Variants in PCDHA4 observed in about 807,000 individuals in gnomAD.
The protein encoded by PCDHA4 is protocadherin alpha 4.
Under a neutral mutation model 61.4 loss-of-function variants are expected in PCDHA4, and 49 were observed. The observed-to-expected ratio is 0.80, with a 90% confidence interval of 0.63 to 1.01. PCDHA4 has a LOEUF of 1.01. Ranked by LOEUF, PCDHA4 falls within the 50% of genes least tolerant of loss-of-function variation. The probability of loss-of-function intolerance (pLI) is 0.00; values close to 1 mark genes in which losing one functional copy is unlikely to be tolerated. For missense variants in PCDHA4, 1,254 were observed against 1,235.8 expected, an observed-to-expected ratio of 1.01 and a Z score of -0.22; for synonymous variants, 590 against 550.3, an observed-to-expected ratio of 1.07 and a Z score of -1.01.
intron 1 of PCDHA4, chr5:140,848,930 C>G: frequency 1.2e-6 from 2 of 1,607,642 alleles, no homozygotes; most frequent in Non-Finnish European, 1.7e-6. Flanking sequence ...TCGCGGAATC[C>G]AGGCCGCTTG....
rs2150361317 is a variant in PCDHA4, at chr5:140,843,502, C to A, written c.2385+33930C>A. The A allele has an allele frequency of 3.1e-6, 5 of 1,595,926 alleles. 1 individual carries two copies. The highest frequency in any genetic ancestry group is 4.3e-6 in the Non-Finnish European group (5 of 1,165,570). On this transcript the variant is annotated intron_variant, in intron 1 of 3. Transcript: ENST00000530339. ...CTGCGCTGCGGTGCTCAGCACTGCC[C>A]ACTGAGGGCGGGTGCCGGGCGGGCA...
intron 1 of PCDHA4, among the ~76,000 whole-genome samples, chr5:140,826,211 A>C (rs1554130497): frequency 2.0e-5 from 3 of 152,244 alleles, no homozygotes; most frequent in Non-Finnish European, 4.4e-5. Context: ...CATTTTAAAA[A>C]ATCAAGTTTT....
intron 1 of PCDHA4, chr5:140,866,782 C>A (rs1318646938): frequency 1.3e-5 from 2 of 152,160 alleles, no homozygotes; most frequent in Admixed American, 6.5e-5. Context: ...TATGTCCTGA[C>A]TGATATAGTA....
At chr5:140,920,859 C>T in intron 1 of PCDHA4, among the ~76,000 whole-genome samples, 1 of 142,452 alleles carries the variant, frequency 7.0e-6, no homozygotes, top group African/African-American at 2.6e-5. Flanking sequence ...AAAAAAAAAA[C>T]AAACAAACTG....
chr5:140,920,485 A>G (rs1366888817), intron 1 of PCDHA4, among the ~76,000 whole-genome samples: 3 of 152,164 alleles, frequency 2.0e-5, no homozygotes, highest in Admixed American at 6.5e-5. Context: ...TTTTTGGTCC[A>G]ACAATAGAGT....
chr5:140,933,159 A>G (rs565076666), intron 1 of PCDHA4, among the ~76,000 whole-genome samples: 67 of 152,098 alleles, frequency 4.4e-4, no homozygotes, highest in African/African-American at 1.3e-3. Flanking sequence ...TTTGTTCCCA[A>G]TTTTAATTGA....
chr5:140,951,520 A>G (rs904780831), intron 1 of PCDHA4, among the ~76,000 whole-genome samples: 6 of 151,972 alleles, frequency 3.9e-5, no homozygotes, highest in Admixed American at 2.0e-4. Context: ...CTCATCTTAC[A>G]TGGCCGGTGC....
At chr5:140,867,151 A>G (rs1437256888) in intron 1 of PCDHA4, 1 of 152,150 alleles carries the variant, frequency 6.6e-6, no homozygotes, top group Non-Finnish European at 1.5e-5. Context: ...ATTTTTCCAG[A>G]GTAAACCTTC....
At chr5:140,835,577 G>T (rs1554135077) in intron 1 of PCDHA4, 1 of 1,613,890 alleles carries the variant, frequency 6.2e-7, no homozygotes, top group Non-Finnish European at 8.5e-7. Context: ...TCAAGTTGGT[G>T]TCCACCTTCA....
intron 3 of PCDHA4, among the ~76,000 whole-genome samples, chr5:140,994,308 C>T (rs1402344988): frequency 6.6e-6 from 1 of 152,086 alleles, no homozygotes; most frequent in African/African-American, 2.4e-5. Flanking sequence ...TTTCACAGGG[C>T]CCAAACACTC....
Position 140,824,018 on chromosome 5 carries a change from C to G in PCDHA4, c.2385+14446C>G, listed in dbSNP as rs2150131575. ...TGCTCCAGCGCGGTGGGGAGCTGGT[C>G]GTACTCGCAGCAGAGGAGACAGAGG... On this transcript the variant is annotated intron_variant, in intron 1 of 3. Transcript: ENST00000530339. The G allele has an allele frequency of 2.5e-6, 4 of 1,614,112 alleles. No homozygotes were observed. In the South Asian group the frequency reaches 3.3e-5, roughly 13 times the overall value.
intron 1 of PCDHA4, chr5:140,927,071 GCCA>G (rs2083808355): frequency 4.3e-6 from 7 of 1,610,970 alleles, no homozygotes; most frequent in Non-Finnish European, 5.9e-6. Flanking sequence ...TTCCTTTCCA[GCCA>G]CCGCGAGCTC....
intron 1 of PCDHA4, chr5:140,835,866 G>A (rs2150246890): frequency 6.2e-7 from 1 of 1,612,132 alleles, no homozygotes. Context: ...CTACTCGCTG[G>A]TGGAGCTGCG....
chr5:140,861,578 C>A (rs1425852721), intron 1 of PCDHA4: 2 of 361,296 alleles, frequency 5.5e-6, no homozygotes, highest in Non-Finnish European at 1.1e-5. Flanking sequence ...TACAGGTTTT[C>A]CATGTGGAGG....
chr5:140,824,248 A>G (rs2150133568), intron 1 of PCDHA4: 39 of 1,434,746 alleles, frequency 2.7e-5, no homozygotes, highest in Non-Finnish European at 3.8e-5. Flanking sequence ...TGTGGTACAC[A>G]ATTATTGCAC....
chr5:140,821,857 G>A, intron 1 of PCDHA4: 1 of 1,614,186 alleles, frequency 6.2e-7, no homozygotes, highest in South Asian at 1.1e-5. Context: ...GGCAGGGAGC[G>A]GCCAGCTCCA....
rs202125503 is a variant in PCDHA4 at position 140,834,460 on chromosome 5, C to A, written c.2385+24888C>A. 5.3e-5 allele frequency: 84 copies of A among 1,589,840 alleles called. No homozygotes were observed. Among genetic ancestry groups the A allele is most frequent in the Middle Eastern group, 1.7e-4 (1 of 5,902 alleles). On this transcript the variant is annotated intron_variant, in intron 1 of 3. Transcript: ENST00000530339. ...ATTATAATTCTAGCAGCTTGGGAGG[C>A]AGGGAGAGGCCAGCTCCACTACTCG... is the stretch of plus-strand genomic sequence containing the variant.
intron 1 of PCDHA4, chr5:140,857,490 C>T (rs1554150112): frequency 1.3e-6 from 2 of 1,598,382 alleles, no homozygotes; most frequent in East Asian, 4.5e-5. Context: ...GCGTGGGACG[C>T]GGACGCGCAG....
chr5:140,883,995 C>A (rs1371206040), intron 1 of PCDHA4: 2 of 1,612,878 alleles, frequency 1.2e-6, no homozygotes, highest in Non-Finnish European at 8.5e-7. Flanking sequence ...GCGGGAGGCA[C>A]AGTGAGCGAG....
Sources: allele counts gnomAD v4.1 joint callset (sites outside exome capture counted in the v4.1 genomes callset), GRCh38; gene constraint gnomAD v4.1.1; transcripts MANE v1.5; gene names NCBI Gene and HGNC (gene_info 2026-07-23, HGNC 2026-07-21).